DOCK8: variants seen among roughly 807,000 people sequenced by gnomAD.
The protein encoded by DOCK8 is dedicator of cytokinesis 8, also known as dedicator of cytokinesis protein 8.
In DOCK8, 141 loss-of-function variants were observed where a neutral mutation model predicts 245.6. That is an observed-to-expected ratio of 0.57 (90% CI 0.50 to 0.66). The LOEUF is 0.66. Ranked by LOEUF, DOCK8 falls within the 30% of genes least tolerant of loss-of-function variation. The probability of loss-of-function intolerance (pLI) is 0.00; values close to 1 mark genes in which losing one functional copy is unlikely to be tolerated. For synonymous variants in DOCK8, 1,168 were observed against 970.2 expected, an observed-to-expected ratio of 1.20 and a Z score of -3.79; for missense variants, 2,965 against 2,603.4, an observed-to-expected ratio of 1.14 and a Z score of -3.02.
At chr9:421,704 C>G (rs1248244700) in intron 32 of DOCK8, among the ~76,000 whole-genome samples, 1 of 152,168 alleles carries the variant, frequency 6.6e-6, no homozygotes, top group Non-Finnish European at 1.5e-5. Flanking sequence ...GGAGGGAGCT[C>G]ATAGTTTTCA....
At chr9:410,821 T>C in intron 28 of DOCK8, among the ~76,000 whole-genome samples, 1 of 152,228 alleles carries the variant, frequency 6.6e-6, no homozygotes, top group African/African-American at 2.4e-5. Context: ...CACCAATCTT[T>C]AGCTGAGCTG....
chr9:399,004 C>G (rs2054600842), intron 25 of DOCK8, 142 bp from the exon 26 acceptor site: 1 of 726,980 alleles, frequency 1.4e-6, no homozygotes, highest in African/African-American at 1.7e-5. Flanking sequence ...TTAAAGGAGA[C>G]TCAACTACTT....
chr9:417,071 G>C (rs2056053849), intron 29 of DOCK8, among the ~76,000 whole-genome samples: 2 of 152,204 alleles, frequency 1.3e-5, no homozygotes, highest in African/African-American at 4.8e-5. Flanking sequence ...AAGGTGGACA[G>C]ATCACTTGAG....
In DOCK8 at chr9:464,613, A is replaced by C; in HGVS notation, c.*394A>C. The C allele has an allele frequency of 7.7e-6, 2 of 261,264 alleles. No individual in the cohort carries two copies. The highest frequency in any genetic ancestry group is 1.5e-5 in the Non-Finnish European group (2 of 133,238). 16.2% of individuals were successfully genotyped at this position (261,264 alleles called of 1,614,324 possible). ...AAATTGCCTGAGGAAAAATGGAAAA[A>C]TTATCCACCAGTCGATTCAAACTGA... On this transcript the variant is annotated 3_prime_UTR_variant, in exon 48 of 48. Transcript: ENST00000432829.
intron 44 of DOCK8, among the ~76,000 whole-genome samples, chr9:449,221 A>AGG (rs2057356305): frequency 6.6e-6 from 1 of 152,098 alleles, no homozygotes; most frequent in Non-Finnish European, 1.5e-5. Context: ...GTGGTGGTGC[A>AGG]TGCCTGTAAT....
At position 420,524 on chromosome 9, in the gene DOCK8, A is replaced by G. The variant is rs753533431; in HGVS notation, c.3964A>G (p.Thr1322Ala). The G allele has an allele frequency of 1.7e-5, 27 of 1,614,204 alleles. No individual in the cohort carries two copies. The highest frequency in any genetic ancestry group is 7.7e-5 in the South Asian group (7 of 91,082). ...GAAGTGGATTGCTGACCTGCCATCA[A>G]CGCAGCTCAACAGGATTTTAGATCT... The part of the protein sequence containing the change: ...IRKWIADLPS[T>A]QLNRILDLLF... The change falls in exon 31 of 48, where the codon ACG (threonine) becomes GCG (alanine). Residue 1322 changes from threonine to alanine, a missense_variant. Thr to Ala is a moderately conservative substitution (Grantham distance 58). This residue lies in a region of DOCK8 where 2,825 missense variants were observed against 2,453.5 expected (regional missense o/e 1.15). Coordinates refer to ENST00000432829, the MANE Select transcript of DOCK8 (RefSeq NM_203447.4).
intron 7 of DOCK8, among the ~76,000 whole-genome samples, chr9:325,212 A>T (rs973486500): frequency 3.3e-5 from 5 of 152,134 alleles, no homozygotes; most frequent in Non-Finnish European, 1.5e-5. Flanking sequence ...TTATCTACTC[A>T]TTGGTTGGTG....
intron 26 of DOCK8, among the ~76,000 whole-genome samples, chr9:400,082 C>T (rs1480785082): frequency 1.2e-4 from 14 of 118,048 alleles, no homozygotes; most frequent in East Asian, 5.3e-4. Context: ...ACCATCACCA[C>T]CACCTCCACC....
intron 35 of DOCK8, among the ~76,000 whole-genome samples, chr9:429,014 C>T (rs10465088): frequency 2.0e-5 from 3 of 152,196 alleles, no homozygotes; most frequent in Non-Finnish European, 4.4e-5. Context: ...ATCGCCCAGG[C>T]TGGAGTGCAG....
rs899065859 is a variant in DOCK8 at position 372,087 on chromosome 9, T to C, written c.2008-98T>C. 3 of 1,048,204 alleles carry C rather than the reference T, an allele frequency of 2.9e-6. No homozygotes were observed. The African/African-American group carries it at 4.7e-5, about 17-fold the overall frequency. The allele number at this position is 1,048,204 out of a possible 1,614,324, so 64.9% of individuals were successfully genotyped here. On this transcript the variant is annotated intron_variant, in intron 17 of 47. Transcript: ENST00000432829. Reference sequence around the variant, plus strand: ...AAAAAGAGTACTGGTCAATATCTACTCACTGTTTAGTTGCATTTGATTATT... The same window carrying C: ...AAAAAGAGTACTGGTCAATATCTACCCACTGTTTAGTTGCATTTGATTATT...
chr9:272,252 C>G (rs1363728501), intron 2 of DOCK8, among the ~76,000 whole-genome samples: 1 of 152,090 alleles, frequency 6.6e-6, no homozygotes, highest in Non-Finnish European at 1.5e-5. Flanking sequence ...TTCTTTTATC[C>G]TAAAGCGTTC....
intron 4 of DOCK8, among the ~76,000 whole-genome samples, chr9:292,405 A>AAAAG (rs1375625039): frequency 6.6e-6 from 1 of 150,598 alleles, no homozygotes; most frequent in Non-Finnish European, 1.5e-5. Context: ...AAAAAAAAAA[A>AAAAG]AAAAAAAAGA....
In DOCK8 at chr9:407,073, T is replaced by A; in HGVS notation, c.3530+4T>A. On this transcript the variant is annotated splice_donor_region_variant and intron_variant, in intron 28 of 47. Transcript: ENST00000432829. The stretch of plus-strand genomic sequence containing the variant: ...CCCTGGATGCCGAAGGGGAAGGGTA[T>A]GTTTCTGGCATTTAAAATGGAAGAT... 1 of 1,614,050 alleles carries A rather than the reference T, an allele frequency of 6.2e-7. No homozygotes were observed. Among genetic ancestry groups the A allele is most frequent in the Non-Finnish European group, 8.5e-7 (1 of 1,180,010 alleles).
At chr9:398,653 C>G (rs988690360) in intron 25 of DOCK8, among the ~76,000 whole-genome samples, 23 of 152,204 alleles carry the variant, frequency 1.5e-4, no homozygotes, top group Middle Eastern at 3.4e-3. Context: ...CTCTCTTAGG[C>G]TGGAAATGCT....
intron 40 of DOCK8, among the ~76,000 whole-genome samples, chr9:440,003 G>C (rs2057038288): frequency 6.6e-6 from 1 of 152,154 alleles, no homozygotes; most frequent in African/African-American, 2.4e-5. Flanking sequence ...AGGGCAAAGA[G>C]GAAACACTCT....
In DOCK8 at chr9:447,058, C is replaced by T. The variant is rs546793533; in HGVS notation, c.5817+452C>T. Among the ~76,000 whole-genome samples the T allele has an allele frequency of 1.4e-4, 21 of 152,156 alleles. No individual in the cohort carries two copies. The South Asian group carries it at 3.9e-3, about 29-fold the overall frequency. ...GGCGGTGGTGTGCTGTGGGAAAGGG[C>T]CGTGTAAGGTAGACAAGTTCACTGA... is the stretch of plus-strand genomic sequence containing the variant. On this transcript the variant is annotated intron_variant, in intron 44 of 47. Transcript: ENST00000432829.
chr9:384,250 T>TAA (rs1368626852), intron 22 of DOCK8, among the ~76,000 whole-genome samples: 1 of 152,168 alleles, frequency 6.6e-6, no homozygotes, highest in East Asian at 1.9e-4. Flanking sequence ...AAAGATGGAG[T>TAA]ATACGATCCA....
In DOCK8 at chr9:347,144, C is replaced by G. The variant is rs554704720; in HGVS notation, c.1679+6823C>G. ...CTCTTTTGTTCAAAATCAAAGCGTC[C>G]CCCTCCTTCTCATGGAAGGGAAGCT... On this transcript the variant is annotated intron_variant, in intron 14 of 47. Transcript: ENST00000432829. Among the ~76,000 whole-genome samples, 33 of 152,164 alleles carry G rather than the reference C, an allele frequency of 2.2e-4. No homozygotes were observed. In the South Asian group the frequency reaches 6.8e-3, roughly 32 times the overall value.
At chr9:241,355 C>T (rs1282586879) in intron 1 of DOCK8, among the ~76,000 whole-genome samples, 3 of 152,122 alleles carry the variant, frequency 2.0e-5, no homozygotes, top group East Asian at 1.9e-4. Flanking sequence ...TTTCGTATCC[C>T]TTAACAAATC....
Sources: gnomAD v4.1 joint callset for allele counts (sites outside exome capture counted in the v4.1 genomes callset) on GRCh38, gnomAD v4.1.1 for gene constraint, gnomAD v4.1.1 regional missense constraint, MANE v1.5 for transcripts, NCBI Gene and HGNC (gene_info 2026-07-23, HGNC 2026-07-21) for gene names.